The following YEATS2 variants were observed in gnomAD, a reference collection of about 807,000 sequenced individuals.
YEATS2 encodes the protein YEATS domain-containing protein 2.
Under a neutral mutation model 163.2 loss-of-function variants are expected in YEATS2, and 77 were observed. The ratio of observed to expected loss-of-function variants is 0.47; its 90% CI spans 0.39 to 0.57. YEATS2 has a LOEUF of 0.57. Ranked by LOEUF, YEATS2 falls within the 20% of genes least tolerant of loss-of-function variation. YEATS2 has a pLI of 0.00. For missense variants in YEATS2, 1,549 were observed against 1,729.8 expected (o/e 0.90, Z 1.85); for synonymous variants, 631 against 645.1 (o/e 0.98, Z 0.33).
chr3:183,725,636 G>A (rs1008815612), intron 6 of YEATS2, among the ~76,000 whole-genome samples: 2 of 152,160 alleles, frequency 1.3e-5, no homozygotes, highest in Non-Finnish European at 2.9e-5. Flanking sequence ...TTATTATCAC[G>A]AGAACAGCAT....
At chr3:183,779,031 C>T (rs1365862105) in intron 19 of YEATS2, among the ~76,000 whole-genome samples, 1 of 152,070 alleles carries the variant, frequency 6.6e-6, no homozygotes, top group Non-Finnish European at 1.5e-5. Flanking sequence ...CTGCCTCATC[C>T]TCACGAGTAG....
At chr3:183,801,102 G>A (rs1725625620) in intron 24 of YEATS2, 1 of 182,012 alleles carries the variant, frequency 5.5e-6, no homozygotes, top group Admixed American at 5.7e-5. Flanking sequence ...GTAGATGGAG[G>A]CGTGAACTGT....
intron 6 of YEATS2, among the ~76,000 whole-genome samples, chr3:183,727,090 C>T (rs1717188833): frequency 6.6e-6 from 1 of 152,110 alleles, no homozygotes; most frequent in Non-Finnish European, 1.5e-5. Context: ...CATGAGCCAC[C>T]ACGCCTGGCC....
chr3:183,777,896 A>T (rs1723155678), intron 19 of YEATS2, among the ~76,000 whole-genome samples, 196 bp downstream of exon 19: 4 of 152,170 alleles, frequency 2.6e-5, no homozygotes, highest in Admixed American at 6.5e-5. Flanking sequence ...TGAGGTCAGG[A>T]GTTGGAGACC....
At chr3:183,789,518 C>T (rs897816922) in intron 20 of YEATS2, among the ~76,000 whole-genome samples, 2 of 116,448 alleles carry the variant, frequency 1.7e-5, no homozygotes, top group African/African-American at 6.6e-5. Flanking sequence ...CAGATTCATT[C>T]GAGTTAATTT....
rs540010312 is a variant in YEATS2 at position 183,742,735 on chromosome 3, A to C, written c.925-4937A>C. ...TTTGAGAAGATTGACTCCAATTTTG[A>C]AAGAACTTCTCTTGTGGATAAAACA... On this transcript the variant is annotated intron_variant, in intron 8 of 30. Transcript: ENST00000305135. 9.8e-5 allele frequency among the ~76,000 whole-genome samples: 15 copies of C among 152,358 alleles called. No individual in the cohort carries two copies. In the South Asian group the frequency reaches 2.7e-3, roughly 27 times the overall value.
At chr3:183,724,637 C>A in intron 6 of YEATS2, 106 bp downstream of exon 6, 1 of 779,440 alleles carries the variant, frequency 1.3e-6, no homozygotes, top group Non-Finnish European at 1.9e-6. Flanking sequence ...GATTCTTTTT[C>A]CCAAGCCCTT....
Position 183,807,222 on chromosome 3 carries a change from GT to G in YEATS2, c.4011+131del, listed in dbSNP as rs1315940419. 2.1e-5 allele frequency: 17 copies of G among 827,422 alleles called. 1 individual carries two copies. Among genetic ancestry groups the G allele is most frequent in the Middle Eastern group, 3.5e-4 (1 of 2,828 alleles). The allele number at this position is 827,422 out of a possible 1,614,324, so 51.3% of individuals were successfully genotyped here. A position where few individuals can be genotyped will look rare whatever the true frequency, so the allele number is the denominator to read the frequency against. Reference sequence around the variant, plus strand: ...ACAGACTCAGACCCAGACTCTTCTGGTGCCGTAGATGCTTGACTTCCTTCTG... The same window carrying G: ...ACAGACTCAGACCCAGACTCTTCTGGGCCGTAGATGCTTGACTTCCTTCTG... On this transcript the variant is annotated intron_variant, in intron 28 of 30. Transcript: ENST00000305135.
Position 183,777,594 on chromosome 3 carries a change from C to T in YEATS2, c.2630C>T (p.Thr877Ile). The T allele has an allele frequency of 1.2e-6, 2 of 1,614,150 alleles. No homozygotes were observed. The highest frequency in any genetic ancestry group is 1.7e-6 in the Non-Finnish European group (2 of 1,180,042). ...PSPQTSGKQL[T>I]TGSVVQGTLG... ...CCCCAGACTTCTGGAAAACAACTCA[C>T]CACTGGGTCAGTGGTCCAAGGAACA... The change falls in exon 19 of 31, where the codon ACC (threonine) becomes ATC (isoleucine). Residue 877 changes from threonine (T) to isoleucine (I), a missense_variant. Transcript: ENST00000305135.
At chr3:183,739,950 A>G (rs1304776281) in intron 8 of YEATS2, among the ~76,000 whole-genome samples, 1 of 49,118 alleles carries the variant, frequency 2.0e-5, no homozygotes, top group Non-Finnish European at 4.0e-5. Flanking sequence ...TTATACAAAA[A>G]TCAATTCAAG....
At chr3:183,761,764 C>T (rs1202017235) in intron 14 of YEATS2, 150 bp downstream of exon 14, 5 of 756,862 alleles carry the variant, frequency 6.6e-6, no homozygotes, top group Non-Finnish European at 1.1e-5. Context: ...ATGATGTCCT[C>T]AGGGCAGCCC....
At chr3:183,770,174 G>A (rs1452130150) in intron 15 of YEATS2, among the ~76,000 whole-genome samples, 2 of 151,458 alleles carry the variant, frequency 1.3e-5, no homozygotes, top group Non-Finnish European at 3.0e-5. Flanking sequence ...GGATCACGAG[G>A]TCAGGAGATC....
At chr3:183,714,121 T>A (rs895914578) in intron 1 of YEATS2, among the ~76,000 whole-genome samples, 18 of 151,656 alleles carry the variant, frequency 1.2e-4, no homozygotes, top group African/African-American at 2.9e-4. Context: ...TAAATTTTTT[T>A]AAATTTTAAT....
At chr3:183,751,652 G>A (rs1411400646) in intron 9 of YEATS2, among the ~76,000 whole-genome samples, 1 of 152,214 alleles carries the variant, frequency 6.6e-6, no homozygotes. Context: ...AATAAGTGCT[G>A]TGAAGATAAG....
intron 15 of YEATS2, among the ~76,000 whole-genome samples, chr3:183,771,194 TA>T (rs1284551057): frequency 6.6e-6 from 1 of 152,226 alleles, no homozygotes; most frequent in East Asian, 1.9e-4. Context: ...TTCTTGGTTT[TA>T]AACTCTTTTT....
intron 7 of YEATS2, among the ~76,000 whole-genome samples, chr3:183,736,260 TAGC>T (rs1327798849): frequency 6.6e-6 from 1 of 152,238 alleles, no homozygotes; most frequent in Non-Finnish European, 1.5e-5. Context: ...TAAGTCTTCT[TAGC>T]AGAGAGTTTC....
rs776311451 is a variant in YEATS2 at position 183,786,258 on chromosome 3, C to T, written c.2870C>T (p.Thr957Ile). ...GCAGGAGGGGTTATCACAACTGCCA[C>T]TTCCCCTGCCGTGGCCCTCTCAGCA... The part of the protein sequence containing the change: ...RVAGGVITTA[T>I]SPAVALSANG... Residue 957 changes from threonine to isoleucine, a missense_variant, in exon 20 of 31, where the codon ACT (threonine) becomes ATT (isoleucine). Physicochemically the swap from Thr to Ile is moderately conservative, Grantham distance 89. Transcript: ENST00000305135. 6.2e-7 allele frequency: 1 copy of T among 1,614,120 alleles called. No homozygotes were observed. Among genetic ancestry groups the T allele is most frequent in the Non-Finnish European group, 8.5e-7 (1 of 1,179,992 alleles).
chr3:183,711,470 C>CAAA (rs532093071), intron 1 of YEATS2, among the ~76,000 whole-genome samples: 3 of 70,778 alleles, frequency 4.2e-5, no homozygotes, highest in Non-Finnish European at 5.8e-5. Context: ...GACTCTGTCT[C>CAAA]AAAAAAAAAA....
chr3:183,731,859 C>G (rs1717819267), intron 7 of YEATS2, among the ~76,000 whole-genome samples: 1 of 152,226 alleles, frequency 6.6e-6, no homozygotes, highest in Non-Finnish European at 1.5e-5. Flanking sequence ...CACGCCTGAG[C>G]AGTTAGCTGT....
Sources: gnomAD v4.1 joint callset for allele counts (sites outside exome capture counted in the v4.1 genomes callset) on GRCh38, gnomAD v4.1.1 for gene constraint, MANE v1.5 for transcripts, NCBI Gene and HGNC (gene_info 2026-07-23, HGNC 2026-07-21) for gene names.